The following KIAA1328 variants were observed in gnomAD, a reference collection of about 807,000 sequenced individuals.
KIAA1328 encodes the protein KIAA1328.
KIAA1328 carries 52 observed loss-of-function variants against 68.1 expected under a neutral mutation model. The ratio of observed to expected loss-of-function variants is 0.76; its 90% CI spans 0.61 to 0.96. KIAA1328 has a LOEUF of 0.96. Ranked by LOEUF, KIAA1328 falls within the 40% of genes least tolerant of loss-of-function variation. The pLI is 0.00. For synonymous variants in KIAA1328, 232 were observed against 239.4 expected, an observed-to-expected ratio of 0.97 and a Z score of 0.28; for missense variants, 641 against 677.6, an observed-to-expected ratio of 0.95 and a Z score of 0.60.
chr18:36,835,790 C>T (rs1294229536), intron 3 of KIAA1328, among the ~76,000 whole-genome samples: 4 of 152,166 alleles, frequency 2.6e-5, no homozygotes, highest in African/African-American at 4.8e-5. Context: ...GTAATAGTAT[C>T]GGTGCATTCC....
At chr18:36,834,751 TGAAGG>T (rs1335880214) in intron 2 of KIAA1328, among the ~76,000 whole-genome samples, 1 of 152,228 alleles carries the variant, frequency 6.6e-6, no homozygotes, top group Non-Finnish European at 1.5e-5. Context: ...AAGCAACTAT[TGAAGG>T]CACCCTCATT....
intron 1 of KIAA1328, chr18:36,829,456 T>G (rs1244845202): frequency 3.1e-6 from 4 of 1,279,556 alleles, no homozygotes; most frequent in Admixed American, 4.3e-5. Flanking sequence ...TCGAGAAAGA[T>G]AGCCTTGAGT....
chr18:36,903,949 A>G (rs914447789), intron 5 of KIAA1328, among the ~76,000 whole-genome samples: 3 of 152,144 alleles, frequency 2.0e-5, no homozygotes, highest in African/African-American at 7.2e-5. Context: ...GCCAGACTTC[A>G]CTTTTTCAGA....
At chr18:37,205,410 C>A (rs2060198634) in intron 9 of KIAA1328, among the ~76,000 whole-genome samples, 2 of 152,168 alleles carry the variant, frequency 1.3e-5, no homozygotes, top group South Asian at 4.1e-4. Flanking sequence ...AAAGGGGTCT[C>A]TCTTTAGGTG....
chr18:36,973,850 C>CACACACACACACACACACAT (rs983579773), intron 6 of KIAA1328, among the ~76,000 whole-genome samples: 1 of 149,156 alleles, frequency 6.7e-6, no homozygotes, highest in Admixed American at 6.6e-5. Context: ...CACACACACA[C>CACACACACACACACACACAT]ATATATATCT....
chr18:37,230,534 A>T (rs980678150), downstream of KIAA1328: 2 of 152,164 alleles, frequency 1.3e-5, no homozygotes, highest in African/African-American at 4.8e-5. Flanking sequence ...CCAGAAAAAG[A>T]TATCAGTCTT....
At chr18:36,932,771 G>A (rs1334834775) in intron 5 of KIAA1328, among the ~76,000 whole-genome samples, 2 of 152,122 alleles carry the variant, frequency 1.3e-5, no homozygotes, top group African/African-American at 4.8e-5. Flanking sequence ...GTCACTGCTT[G>A]GTTTAAGCTT....
intron 9 of KIAA1328, among the ~76,000 whole-genome samples, chr18:37,204,464 A>G (rs2060178367): frequency 6.6e-6 from 1 of 152,246 alleles, no homozygotes; most frequent in South Asian, 2.1e-4. Context: ...ACATAAAAAT[A>G]CAAAGACTTT....
chr18:37,078,388 C>G (rs1221940419), intron 7 of KIAA1328, among the ~76,000 whole-genome samples: 3 of 151,818 alleles, frequency 2.0e-5, no homozygotes, highest in Non-Finnish European at 4.4e-5. Context: ...AGAAGAAAAC[C>G]TAGGCAATAC....
chr18:36,869,332 CCCTACCT>C (rs2047864136), intron 4 of KIAA1328, among the ~76,000 whole-genome samples: 1 of 152,140 alleles, frequency 6.6e-6, no homozygotes. Flanking sequence ...TCTAACCAGA[CCCTACCT>C]CCTAAAAGAA....
At chr18:36,850,912 TCA>T (rs931989167) in intron 4 of KIAA1328, among the ~76,000 whole-genome samples, 2 of 152,188 alleles carry the variant, frequency 1.3e-5, no homozygotes, top group Admixed American at 6.6e-5. Context: ...GGGAAAACTC[TCA>T]GTTTTTCATC....
chr18:36,945,366 C>T (rs1252076473), intron 5 of KIAA1328, among the ~76,000 whole-genome samples: 1 of 152,006 alleles, frequency 6.6e-6, no homozygotes, highest in Non-Finnish European at 1.5e-5. Context: ...GTCTTTGTGG[C>T]ATTTGCTGAG....
intron 5 of KIAA1328, among the ~76,000 whole-genome samples, chr18:36,925,262 T>C (rs1598729956): frequency 6.6e-6 from 1 of 151,992 alleles, no homozygotes; most frequent in African/African-American, 2.4e-5. Context: ...AATAAAGATA[T>C]ATAATGGCAG....
chr18:37,109,382 A>G (rs981585917), intron 7 of KIAA1328, among the ~76,000 whole-genome samples: 4 of 152,244 alleles, frequency 2.6e-5, no homozygotes, highest in African/African-American at 9.6e-5. Context: ...TACCCCTCGT[A>G]TATGGCATAG....
At chr18:36,892,694 T>G (rs1031667007) in intron 5 of KIAA1328, among the ~76,000 whole-genome samples, 16 of 152,196 alleles carry the variant, frequency 1.1e-4, no homozygotes, top group African/African-American at 3.4e-4. Flanking sequence ...TAGCAGATTT[T>G]GGAGCATTGT....
chr18:37,075,158 A>C lies in KIAA1328; in HGVS notation c.1232+7613A>C, dbSNP rs545928382. ...CTTGGCAGAAACTCTACAAGCCAGA[A>C]GAGAGTGGGGGCCAATATTCAACAT... On this transcript the variant is annotated intron_variant, in intron 7 of 9. Coordinates refer to ENST00000280020, the MANE Select transcript of KIAA1328 (RefSeq NM_020776.3). The C allele has an allele frequency of 6.9e-4, 105 of 152,080 alleles. No homozygotes were observed. In the Middle Eastern group the frequency reaches 0.014, roughly 20 times the overall value. 9.4% of individuals were successfully genotyped at this position (152,080 alleles called of 1,614,324 possible).
chr18:37,030,342 A>G (rs1056224427), intron 6 of KIAA1328, among the ~76,000 whole-genome samples: 6 of 152,110 alleles, frequency 3.9e-5, no homozygotes, highest in Admixed American at 1.3e-4. Context: ...TCCATTAGCT[A>G]TATTTTATTG....
intron 6 of KIAA1328, among the ~76,000 whole-genome samples, chr18:37,019,308 A>G (rs1225330756): frequency 2.0e-5 from 3 of 152,134 alleles, no homozygotes; most frequent in African/African-American, 7.2e-5. Context: ...GATGGCACTT[A>G]TAGGTCAGAG....
intron 9 of KIAA1328, among the ~76,000 whole-genome samples, chr18:37,196,713 A>G (rs577785973): frequency 3.3e-5 from 5 of 152,170 alleles, no homozygotes; most frequent in Admixed American, 2.6e-4. Flanking sequence ...TTCTATGTTT[A>G]TCAGGGATAT....
Sources: allele counts gnomAD v4.1 joint callset (sites outside exome capture counted in the v4.1 genomes callset), GRCh38; gene constraint gnomAD v4.1.1; transcripts MANE v1.5; gene names NCBI Gene and HGNC (gene_info 2026-07-23, HGNC 2026-07-21).